TIAM1: variants seen among roughly 807,000 people sequenced by gnomAD.
TIAM1 encodes rho guanine nucleotide exchange factor TIAM1.
A neutral mutation model predicts 163.5 loss-of-function variants in TIAM1; 65 were observed. The ratio of observed to expected loss-of-function variants is 0.40; its 90% CI spans 0.33 to 0.49. The LOEUF is 0.49. TIAM1 is among the 20% of genes least tolerant of loss of function. The pLI, the probability that TIAM1 is intolerant of heterozygous loss-of-function variation, is 0.77. For synonymous variants in TIAM1, 833 were observed against 810.1 expected (o/e 1.03, Z -0.48); for missense variants, 1,789 against 2,044.7 (o/e 0.87, Z 2.41).
chr21:31,475,025 T>TTTATTATTA (rs550390061), intron 1 of TIAM1, among the ~76,000 whole-genome samples: 3,595 of 118,564 alleles, frequency 0.03, 123 homozygotes, highest in East Asian at 0.093. Context: ...GAGCTAGTTT[T>TTTATTATTA]TTATTATTAT....
chr21:31,557,684 C>G (rs2048929024), intron 1 of TIAM1, among the ~76,000 whole-genome samples: 1 of 152,206 alleles, frequency 6.6e-6, no homozygotes, highest in Non-Finnish European at 1.5e-5. Context: ...AGCTGCCCTG[C>G]GGGGCCGCGC....
At chr21:31,136,508 A>G (rs2082628278) in intron 22 of TIAM1, among the ~76,000 whole-genome samples, 1 of 152,194 alleles carries the variant, frequency 6.6e-6, no homozygotes, top group African/African-American at 2.4e-5. Context: ...AAATCCTTTA[A>G]TTCATATGAA....
In TIAM1 at chr21:31,266,432, G is replaced by A; in HGVS notation, c.541C>T (p.Leu181=). 3 of 1,614,218 alleles carry A rather than the reference G, an allele frequency of 1.9e-6. No individual in the cohort carries two copies. Among genetic ancestry groups the A allele is most frequent in the Non-Finnish European group, 2.5e-6 (3 of 1,180,048 alleles). ...CTCAGATCAGAGAGTGAGAATTCCAGGCTGTCCTCCCGCCAGATGTCTGCA... is the reference window on the plus strand; with the variant it reads ...CTCAGATCAGAGAGTGAGAATTCCAAGCTGTCCTCCCGCCAGATGTCTGCA... ...KSADIWREDS[L]EFSLSDLSQE... is the part of the protein sequence containing the mutation. Residue 181 remains leucine (L), a synonymous_variant, in exon 4 of 28, where the codon CTG becomes TTG. Transcript: ENST00000541036.
chr21:31,553,540 C>T (rs1296547640), intron 1 of TIAM1, among the ~76,000 whole-genome samples: 1 of 152,152 alleles, frequency 6.6e-6, no homozygotes, highest in Non-Finnish European at 1.5e-5. Flanking sequence ...GCTCATGAGA[C>T]CCTCCTGGAC....
chr21:31,512,791 TTTTG>T (rs147701138), intron 1 of TIAM1, among the ~76,000 whole-genome samples: 8 of 151,000 alleles, frequency 5.3e-5, no homozygotes, highest in East Asian at 2.0e-4. Flanking sequence ...TTAGGTGTTT[TTTTG>T]TTTGTTTGTT....
intron 14 of TIAM1, among the ~76,000 whole-genome samples, chr21:31,186,259 AAC>A (rs1277845384): frequency 2.0e-5 from 3 of 152,190 alleles, no homozygotes; most frequent in Non-Finnish European, 4.4e-5. Flanking sequence ...CTAGGTTCTC[AAC>A]TTTCGCAGAT....
At chr21:31,205,643 A>C (rs1474093236) in intron 11 of TIAM1, among the ~76,000 whole-genome samples, 1 of 152,226 alleles carries the variant, frequency 6.6e-6, no homozygotes, top group Non-Finnish European at 1.5e-5. Context: ...GCAGAGAACT[A>C]AAGAATGATA....
chr21:31,405,588 G>C (rs1221645369), intron 2 of TIAM1, among the ~76,000 whole-genome samples: 1 of 152,180 alleles, frequency 6.6e-6, no homozygotes, highest in South Asian at 2.1e-4. Context: ...CAATCATGGT[G>C]GAAGACAAGG....
intron 15 of TIAM1, among the ~76,000 whole-genome samples, chr21:31,168,091 ATTAT>A (rs2084324751): frequency 7.0e-6 from 1 of 142,878 alleles, no homozygotes; most frequent in Non-Finnish European, 1.5e-5. Flanking sequence ...TGAGATTCTT[ATTAT>A]TTTTTTTTTT....
At chr21:31,484,018 C>T (rs991323022) in intron 1 of TIAM1, among the ~76,000 whole-genome samples, 5 of 152,156 alleles carry the variant, frequency 3.3e-5, no homozygotes, top group Non-Finnish European at 7.3e-5. Context: ...GTGCAATCCT[C>T]ATGTATGGGA....
intron 2 of TIAM1, among the ~76,000 whole-genome samples, chr21:31,311,316 C>G (rs2074921931): frequency 6.6e-6 from 1 of 152,146 alleles, no homozygotes; most frequent in Non-Finnish European, 1.5e-5. Context: ...GGGAACAATT[C>G]ATATTACTAA....
chr21:31,512,280 G>A (rs1312424428), intron 1 of TIAM1, among the ~76,000 whole-genome samples: 1 of 151,286 alleles, frequency 6.6e-6, no homozygotes, highest in Admixed American at 6.6e-5. Flanking sequence ...TTCACTTTTT[G>A]TAGAGGTGGG....
At chr21:31,410,283 GTGTC>G (rs758690664) in intron 2 of TIAM1, among the ~76,000 whole-genome samples, 61 of 152,094 alleles carry the variant, frequency 4.0e-4, no homozygotes, top group Non-Finnish European at 2.8e-4. Flanking sequence ...GTCAGACTGT[GTGTC>G]TGATAGTGTG....
At chr21:31,298,767 T>TGAGA (rs1555923381) in intron 2 of TIAM1, among the ~76,000 whole-genome samples, 16 of 125,954 alleles carry the variant, frequency 1.3e-4, no homozygotes, top group African/African-American at 5.4e-4. Context: ...TGTGTGTGTG[T>TGAGA]GAGAAACAGA....
intron 1 of TIAM1, among the ~76,000 whole-genome samples, chr21:31,540,753 G>T (rs1449785510): frequency 2.6e-5 from 4 of 152,170 alleles, no homozygotes; most frequent in African/African-American, 9.7e-5. Context: ...TGAGGCGTAA[G>T]AAAGATTTAA....
rs138749963 is a variant in TIAM1 at position 31,301,878 on chromosome 21, T to C, written c.-188-24970A>G. On this transcript the variant is annotated intron_variant, in intron 2 of 27. Coordinates refer to ENST00000541036, the MANE Select transcript of TIAM1 (RefSeq NM_001353694.2). ...TAAATAGATAAATAAATAAATAAAA[T>C]ATATATAATATATATAAAATGTGTG... 2.4e-5 allele frequency among the ~76,000 whole-genome samples: 3 copies of C among 123,972 alleles called. No individual in the cohort carries two copies. In the South Asian group the frequency reaches 8.3e-4, roughly 34 times the overall value. The allele number at this position is 123,972 out of a possible 152,430, so 81.3% of individuals were successfully genotyped here. A position where few individuals can be genotyped will look rare whatever the true frequency, so the allele number is the denominator to read the frequency against.
At chr21:31,460,306 CCA>C (rs1242968493) in intron 2 of TIAM1, among the ~76,000 whole-genome samples, 1 of 152,196 alleles carries the variant, frequency 6.6e-6, no homozygotes, top group East Asian at 1.9e-4. Context: ...TAGCAAAACC[CCA>C]CAATCTGTGC....
chr21:31,191,858 T>C (rs2085578503), intron 13 of TIAM1, among the ~76,000 whole-genome samples: 1 of 152,190 alleles, frequency 6.6e-6, no homozygotes, highest in African/African-American at 2.4e-5. Flanking sequence ...CCTGAATCAC[T>C]CAATCTTAGA....
At chr21:31,163,940 G>C (rs1254037434) in intron 16 of TIAM1, among the ~76,000 whole-genome samples, 2 of 152,236 alleles carry the variant, frequency 1.3e-5, no homozygotes. Context: ...AATAAGTATG[G>C]AAACAAAATC....
Sources: gnomAD v4.1 joint callset for allele counts (sites outside exome capture counted in the v4.1 genomes callset) on GRCh38, gnomAD v4.1.1 for gene constraint, MANE v1.5 for transcripts, NCBI Gene and HGNC (gene_info 2026-07-23, HGNC 2026-07-21) for gene names.